The following SCARA3 variants were observed in gnomAD, a reference collection of about 807,000 sequenced individuals.
The protein encoded by SCARA3 is cellular stress response gene protein.
SCARA3 carries 39 observed loss-of-function variants against 47.0 expected under a neutral mutation model. The ratio of observed to expected loss-of-function variants is 0.83; its 90% CI spans 0.64 to 1.08. SCARA3 has a LOEUF of 1.08. Ranked by LOEUF, SCARA3 falls within the 50% of genes least tolerant of loss-of-function variation. SCARA3 has a pLI of 0.00. For missense variants in SCARA3, 724 were observed against 792.3 expected, an observed-to-expected ratio of 0.91 and a Z score of 1.04; for synonymous variants, 356 against 334.1, an observed-to-expected ratio of 1.07 and a Z score of -0.71.
chr8:27,666,583 A>G (rs1030117197), intron 5 of SCARA3, among the ~76,000 whole-genome samples: 6 of 152,234 alleles, frequency 3.9e-5, no homozygotes, highest in Admixed American at 1.3e-4. Context: ...GCGCTTTGCT[A>G]ATATGACAGC....
At chr8:27,698,590 G>A in the SCARA3 span, among the ~76,000 whole-genome samples, 1 of 152,118 alleles carries the variant, frequency 6.6e-6, no homozygotes, top group Non-Finnish European at 1.5e-5. Flanking sequence ...TTCACAGACA[G>A]CATAGTTGTT....
chr8:27,711,781 AG>A, the SCARA3 span, among the ~76,000 whole-genome samples: 1 of 152,160 alleles, frequency 6.6e-6, no homozygotes, highest in East Asian at 1.9e-4. Flanking sequence ...TTAAATTCAC[AG>A]CAAAATTTAG....
chr8:27,692,419 C>CAAAAAAA, the SCARA3 span, among the ~76,000 whole-genome samples: 1 of 127,792 alleles, frequency 7.8e-6, no homozygotes, highest in Non-Finnish European at 1.7e-5. Flanking sequence ...AACCCTATCT[C>CAAAAAAA]AAAAAAAAAA....
chr8:27,638,487 G>C (rs1801308334), intron 1 of SCARA3, among the ~76,000 whole-genome samples: 1 of 152,124 alleles, frequency 6.6e-6, no homozygotes, highest in Non-Finnish European at 1.5e-5. Flanking sequence ...CAGAGTGTAA[G>C]TTTCATGACA....
the SCARA3 span, among the ~76,000 whole-genome samples, chr8:27,688,292 A>G: frequency 6.6e-6 from 1 of 152,062 alleles, no homozygotes; most frequent in Non-Finnish European, 1.5e-5. Context: ...GATTTGTTGT[A>G]TTCATGATAG....
At chr8:27,646,966 G>GCGCCCCCCCCCC (rs1801509553) in intron 1 of SCARA3, among the ~76,000 whole-genome samples, 1 of 29,844 alleles carries the variant, frequency 3.4e-5, no homozygotes, top group Non-Finnish European at 5.9e-5. Context: ...ACCCCTGACC[G>GCGCCCCCCCCCC]CCCCCGCCCC....
the SCARA3 span, among the ~76,000 whole-genome samples, chr8:27,728,686 G>A: frequency 5.3e-5 from 8 of 152,214 alleles, no homozygotes; most frequent in East Asian, 1.5e-3. Flanking sequence ...TGATTTAAAT[G>A]AGAAGAACTT....
At chr8:27,693,736 C>T in the SCARA3 span, among the ~76,000 whole-genome samples, 1 of 152,176 alleles carries the variant, frequency 6.6e-6, no homozygotes, top group Non-Finnish European at 1.5e-5. Flanking sequence ...TGTCTAAAGC[C>T]TGCTACCTGG....
chr8:27,694,990 C>T, the SCARA3 span, among the ~76,000 whole-genome samples: 1 of 152,114 alleles, frequency 6.6e-6, no homozygotes, highest in Non-Finnish European at 1.5e-5. Flanking sequence ...TTTCGATGCA[C>T]ATGCACAAGG....
At chr8:27,683,463 AATT>A in the SCARA3 span, among the ~76,000 whole-genome samples, 1 of 152,180 alleles carries the variant, frequency 6.6e-6, no homozygotes. Flanking sequence ...TCATAAAACT[AATT>A]TAAAAACAAC....
chr8:27,667,985 T>A (rs1187303976), intron 5 of SCARA3, among the ~76,000 whole-genome samples: 2 of 152,194 alleles, frequency 1.3e-5, no homozygotes, highest in African/African-American at 4.8e-5. Flanking sequence ...GCGGCAGCTG[T>A]GGCTTAGGGG....
chr8:27,671,270 G>T lies in SCARA3; in HGVS notation c.1740G>T (p.Gly580=), dbSNP rs542442032. The T allele has an allele frequency of 2.1e-6, 3 of 1,459,658 alleles. No homozygotes were observed. The highest frequency in any genetic ancestry group is 2.9e-5 in the African/African-American group (2 of 69,166). 90.4% of individuals were successfully genotyped at this position (1,459,658 alleles called of 1,614,324 possible). ...CACCAGGCCAGCGGGGGGCCATGGGGCCTAAGGGTGAACCAGGGATCCAGG... is the reference window on the plus strand; with the variant it reads ...CACCAGGCCAGCGGGGGGCCATGGGTCCTAAGGGTGAACCAGGGATCCAGG... ...TGSPGQRGAM[G]PKGEPGIQGP... is the part of the protein sequence containing the mutation. Residue 580 remains glycine (G), a synonymous_variant, in exon 6 of 6, where the codon GGG becomes GGT. Transcript: ENST00000301904.
intron 5 of SCARA3, among the ~76,000 whole-genome samples, chr8:27,660,842 C>CTAGA (rs113873031): frequency 0.021 from 2,354 of 113,824 alleles, 52 homozygotes; most frequent in African/African-American, 0.053. Flanking sequence ...AGCTAGCTAG[C>CTAGA]TAGATAGATA....
intron 3 of SCARA3, 32 bp downstream of exon 3, chr8:27,651,659 A>T (rs10094133): frequency 1.2e-6 from 2 of 1,610,624 alleles, no homozygotes; most frequent in African/African-American, 1.3e-5. Context: ...CCCGGGCTGC[A>T]GGGGGGTGTC....
the SCARA3 span, among the ~76,000 whole-genome samples, chr8:27,683,669 A>G: frequency 2.0e-5 from 3 of 152,244 alleles, no homozygotes; most frequent in South Asian, 6.2e-4. Flanking sequence ...AGAAAGAAAA[A>G]CATAGTCTAC....
chr8:27,659,705 C>T (rs1801850178), intron 5 of SCARA3, among the ~76,000 whole-genome samples, 166 bp downstream of exon 5: 1 of 151,906 alleles, frequency 6.6e-6, no homozygotes. Flanking sequence ...CTTGCATTAG[C>T]CAGGCATGGT....
intron 4 of SCARA3, among the ~76,000 whole-genome samples, chr8:27,657,439 A>AC (rs1801766301): frequency 7.0e-6 from 1 of 143,512 alleles, no homozygotes; most frequent in Non-Finnish European, 1.5e-5. Context: ...GAGCCCAGGT[A>AC]CCCAATAGGT....
chr8:27,674,725 C>CTTTTTTT (rs71553874), downstream of SCARA3, among the ~76,000 whole-genome samples: 6 of 106,286 alleles, frequency 5.6e-5, no homozygotes, highest in Admixed American at 1.1e-4. Flanking sequence ...TTTTCTCTCT[C>CTTTTTTT]TTTTTTTTTT....
the SCARA3 span, among the ~76,000 whole-genome samples, chr8:27,707,037 GT>G: frequency 6.6e-6 from 1 of 152,262 alleles, no homozygotes; most frequent in South Asian, 2.1e-4. Flanking sequence ...AACAGAAGAG[GT>G]CATGGACTTG....
Sources: gnomAD v4.1 joint callset for allele counts (sites outside exome capture counted in the v4.1 genomes callset) on GRCh38, gnomAD v4.1.1 for gene constraint, MANE v1.5 for transcripts, NCBI Gene and HGNC (gene_info 2026-07-23, HGNC 2026-07-21) for gene names.